The following PSAP variants were observed in gnomAD, a reference collection of about 807,000 sequenced individuals.
PSAP encodes the protein prosaposin, also known as precursor of saposins.
PSAP carries 25 observed loss-of-function variants against 66.0 expected under a neutral mutation model. The observed-to-expected ratio is 0.38, with a 90% CI of 0.28 to 0.53. The LOEUF is 0.53. PSAP is among the 20% of genes least tolerant of loss of function. The pLI is 0.83. For missense variants in PSAP, 649 were observed against 668.8 expected (o/e 0.97, Z 0.33); for synonymous variants, 273 against 258.9 (o/e 1.05, Z -0.52).
At chr10:71,820,170 A>T in intron 9 of PSAP, 70 bp downstream of exon 9, 3 of 1,358,446 alleles carry the variant, frequency 2.2e-6, no homozygotes, top group Non-Finnish European at 3.2e-6. Context: ...CTCCTGTGGG[A>T]CTTTCCCACT....
At chr10:71,819,954 G>A in intron 9 of PSAP, 54 bp from the exon 10 acceptor site, 1 of 1,482,954 alleles carries the variant, frequency 6.7e-7, no homozygotes, top group Non-Finnish European at 9.4e-7. Context: ...CAAGGGTTGG[G>A]GGACATTCTG....
intron 12 of PSAP, 78 bp downstream of exon 12, chr10:71,818,936 ACCCCACGGCCAAGTCTC>A: frequency 8.0e-7 from 1 of 1,247,644 alleles, no homozygotes; most frequent in South Asian, 1.2e-5. Context: ...CAGAGACTCC[ACCCCACGGCCAAGTCTC>A]AGAGCAACCC....
intron 3 of PSAP, 106 bp downstream of exon 3, chr10:71,831,740 C>T: frequency 8.7e-7 from 1 of 1,145,794 alleles, no homozygotes; most frequent in Non-Finnish European, 1.3e-6. Flanking sequence ...CATTTGCCAC[C>T]CTCAGGCCTA....
chr10:71,828,288 A>G (rs1842434188), intron 5 of PSAP, 131 bp from the exon 6 acceptor site: 1 of 918,072 alleles, frequency 1.1e-6, no homozygotes, highest in Non-Finnish European at 1.8e-6. Flanking sequence ...CAGGCTCTCA[A>G]ATTACTGATA....
At chr10:71,849,864 G>A (rs1272223307) in intron 1 of PSAP, among the ~76,000 whole-genome samples, 1 of 152,094 alleles carries the variant, frequency 6.6e-6, no homozygotes, top group African/African-American at 2.4e-5. Flanking sequence ...AACTGGACCA[G>A]AAAACCCTAT....
chr10:71,823,988 T>TG (rs1842352693), intron 7 of PSAP: 1 of 1,003,074 alleles, frequency 1.0e-6, no homozygotes, highest in East Asian at 6.0e-5. Context: ...AATCAAGCAG[T>TG]TAACCAGGTG....
Position 71,819,453 on chromosome 10 carries a change from C to G in PSAP, c.1350+12G>C. 6.2e-7 allele frequency: 1 copy of G among 1,613,954 alleles called. No individual in the cohort carries two copies. The highest frequency in any genetic ancestry group is 8.5e-7 in the Non-Finnish European group (1 of 1,180,034). On this transcript the variant is annotated intron_variant, in intron 11 of 13. Coordinates refer to ENST00000394936, the MANE Select transcript of PSAP (RefSeq NM_002778.4). ...GCCATGCTGGCCTACCGCAGCCCAG[C>G]CCGGGGCGTACCTGCTTCTGGTAAG...
At chr10:71,824,563 C>T (rs774408751) in intron 7 of PSAP, among the ~76,000 whole-genome samples, 12 of 152,220 alleles carry the variant, frequency 7.9e-5, no homozygotes, top group Non-Finnish European at 1.0e-4. Flanking sequence ...AACCTAGATA[C>T]ATCCGGCCAC....
intron 6 of PSAP, among the ~76,000 whole-genome samples, chr10:71,827,258 G>A (rs1269854416): frequency 6.6e-6 from 1 of 152,106 alleles, no homozygotes; most frequent in Non-Finnish European, 1.5e-5. Context: ...AATTAGCCGG[G>A]CATGGTGGCG....
intron 1 of PSAP, among the ~76,000 whole-genome samples, chr10:71,836,597 T>C (rs959979906): frequency 6.6e-6 from 1 of 152,018 alleles, no homozygotes; most frequent in Admixed American, 6.5e-5. Flanking sequence ...GGCAGAGTGA[T>C]ACACAGGGAA....
Position 71,817,165 on chromosome 10 carries a change from C to T in PSAP, c.*276G>A, listed in dbSNP as rs547409137. 1.3e-4 allele frequency: 70 copies of T among 537,472 alleles called. No individual in the cohort carries two copies. The Middle Eastern group carries it at 2.4e-3, about 18-fold the overall frequency. The allele number at this position is 537,472 out of a possible 1,614,324, so 33.3% of individuals were successfully genotyped here. On this transcript the variant is annotated 3_prime_UTR_variant, in exon 14 of 14. Transcript: ENST00000394936. The stretch of plus-strand genomic sequence containing the variant: ...CTCATGCCAGCAGAGCTCTCTCCTC[C>T]TCCAGCAGGCGCCATGCAAGGGCAG...
chr10:71,833,033 A>C (rs72804008), intron 2 of PSAP, among the ~76,000 whole-genome samples: 16,489 of 122,162 alleles, frequency 0.13, 2,800 homozygotes, highest in East Asian at 0.28. Context: ...AAAAAAAAAC[A>C]AAAAACAAAA....
chr10:71,848,602 A>AC (rs1414266609), intron 1 of PSAP, among the ~76,000 whole-genome samples: 1 of 152,208 alleles, frequency 6.6e-6, no homozygotes, highest in Non-Finnish European at 1.5e-5. Context: ...TACCACCAGG[A>AC]CATCACTGAA....
chr10:71,847,391 G>A (rs919420779), intron 1 of PSAP, among the ~76,000 whole-genome samples: 3 of 152,148 alleles, frequency 2.0e-5, no homozygotes, highest in African/African-American at 4.8e-5. Flanking sequence ...ATATATACCA[G>A]AGGTGGATTT....
intron 1 of PSAP, among the ~76,000 whole-genome samples, chr10:71,839,622 A>G (rs934778809): frequency 6.6e-6 from 1 of 152,142 alleles, no homozygotes; most frequent in Non-Finnish European, 1.5e-5. Context: ...TGGGAAGCTG[A>G]GGCAGGAGAA....
intron 12 of PSAP, 49 bp from the exon 13 acceptor site, chr10:71,818,773 C>G (rs189334063): frequency 6.9e-6 from 10 of 1,455,572 alleles, no homozygotes; most frequent in Admixed American, 1.7e-5. Flanking sequence ...GAGAGCTGCC[C>G]GATGTATCGC....
intron 12 of PSAP, 30 bp from the exon 13 acceptor site, chr10:71,818,754 G>A: frequency 1.3e-6 from 2 of 1,571,418 alleles, no homozygotes; most frequent in Non-Finnish European, 8.8e-7. Flanking sequence ...AAGAAGAAAG[G>A]GGGAGAATGA....
chr10:71,835,546 G>C (rs1390958007), intron 1 of PSAP, among the ~76,000 whole-genome samples: 1 of 152,050 alleles, frequency 6.6e-6, no homozygotes, highest in Non-Finnish European at 1.5e-5. Context: ...CACTCCAGCG[G>C]TGAGCTACCA....
chr10:71,838,876 T>A (rs1842676564), intron 1 of PSAP, among the ~76,000 whole-genome samples: 1 of 152,138 alleles, frequency 6.6e-6, no homozygotes, highest in Admixed American at 6.5e-5. Flanking sequence ...ATCCTTTCAG[T>A]GGTGGGCTGA....
Sources: allele counts gnomAD v4.1 joint callset (sites outside exome capture counted in the v4.1 genomes callset), GRCh38; gene constraint gnomAD v4.1.1; transcripts MANE v1.5; gene names NCBI Gene and HGNC (gene_info 2026-07-23, HGNC 2026-07-21).